HLA-DQB2: variants seen among roughly 807,000 people sequenced by gnomAD.
HLA-DQB2 encodes major histocompatibility complex, class II, DQ beta 2.
HLA-DQB2 carries 24 observed loss-of-function variants against 29.2 expected under a neutral mutation model. The observed-to-expected ratio is 0.82, with a 90% CI of 0.60 to 1.16. HLA-DQB2 has a LOEUF of 1.16. Ranked by LOEUF, HLA-DQB2 falls within the 50% of genes most tolerant of loss-of-function variation. HLA-DQB2 has a pLI of 0.00. For missense variants in HLA-DQB2, 273 were observed against 343.6 expected, an observed-to-expected ratio of 0.79 and a Z score of 1.62; for synonymous variants, 104 against 133.1, an observed-to-expected ratio of 0.78 and a Z score of 1.51.
At chr6:32,758,369 T>C (rs1260754928) in intron 3 of HLA-DQB2, among the ~76,000 whole-genome samples, 1 of 152,152 alleles carries the variant, frequency 6.6e-6, no homozygotes, top group Non-Finnish European at 1.5e-5. Flanking sequence ...CTCTCTCTCA[T>C]GCTCCTGCCC....
At chr6:32,763,060 T>C (rs1252213409) in intron 1 of HLA-DQB2, among the ~76,000 whole-genome samples, 9 of 151,798 alleles carry the variant, frequency 5.9e-5, no homozygotes, top group African/African-American at 2.2e-4. Flanking sequence ...GGGAAATGCA[T>C]ATCTTTGGGG....
rs61388931 is a variant in HLA-DQB2, at chr6:32,762,616, A to G, written c.98-690T>C. 3.0e-3 allele frequency among the ~76,000 whole-genome samples: 449 copies of G among 150,164 alleles called. 2 individuals carry two copies. The highest frequency in any genetic ancestry group is 0.01 in the African/African-American group (426 of 40,878). On this transcript the variant is annotated intron_variant, in intron 1 of 5. Coordinates refer to ENST00000437316, the MANE Select transcript of HLA-DQB2 (RefSeq NM_001300790.2). ...AACTGAGTCAATCACCAGCTTGGGC[A>G]GGTTACTTAACAGAATATCCATATC...
rs540615740 is a variant in HLA-DQB2, at chr6:32,759,018, G to A, written c.478C>T (p.Arg160Trp). Residue 160 changes from arginine to tryptophan, a missense_variant, in exon 3 of 6, where the codon CGG (arginine) becomes TGG (tryptophan). By Grantham distance (101) the Arg-to-Trp change is moderately radical. Transcript: ENST00000437316. ...CCGGCTGTCTCCTCCTGGTCATTCC[G>A]AAACCACCGGACTTTGATCTGGGCT... ...YPAQIKVRWF[R>W]NDQEETAGVV... The A allele has an allele frequency of 2.5e-5, 41 of 1,614,210 alleles. No individual in the cohort carries two copies. The highest frequency in any genetic ancestry group is 1.5e-4 in the African/African-American group (11 of 75,068).
At position 32,756,389 on chromosome 6, in the gene HLA-DQB2, TG is replaced by T; in HGVS notation, c.*63del. ...GGGTGACACAGGCAGCTAGGAATTC[TG>T]GGCAGGGGCAGGTGGGCATTACAGA... On this transcript the variant is annotated 3_prime_UTR_variant, in exon 6 of 6. Transcript: ENST00000437316. The T allele has an allele frequency of 2.0e-6, 2 of 1,009,370 alleles. No individual in the cohort carries two copies. Among genetic ancestry groups the T allele is most frequent in the Non-Finnish European group, 3.1e-6 (2 of 643,790 alleles). 62.5% of individuals were successfully genotyped at this position (1,009,370 alleles called of 1,614,324 possible).
Position 32,761,748 on chromosome 6 carries a change from C to A in HLA-DQB2, c.276G>T (p.Lys92Asn). The change falls in exon 2 of 6, where the codon AAG becomes AAT. Residue 92 changes from lysine (K) to asparagine (N), a missense_variant. By Grantham distance (94) the Lys-to-Asn change is moderately conservative (BLOSUM62 0). Coordinates refer to ENST00000437316, the MANE Select transcript of HLA-DQB2 (RefSeq NM_001300790.2). ...CGGCCCGCTCCTGCTCCAAGAAGTC[C>A]TTATAGTTGTTCCAGTCCTCGATGC... ...GRSIEDWNNY[K>N]DFLEQERAAV... The A allele has an allele frequency of 6.4e-7, 1 of 1,561,198 alleles. No homozygotes were observed. Among genetic ancestry groups the A allele is most frequent in the East Asian group, 2.4e-5 (1 of 41,382 alleles).
chr6:32,756,519 C>G, intron 5 of HLA-DQB2, 53 bp from the exon 6 acceptor site: 2 of 1,556,320 alleles, frequency 1.3e-6, no homozygotes, highest in South Asian at 1.2e-5. Flanking sequence ...AGGGACACAC[C>G]CTCTCCCCTA....
rs566065650 is a variant in HLA-DQB2 at position 32,757,299 on chromosome 6, G to A, written c.763C>T (p.Arg255Ter). The change falls in exon 5 of 6, where the codon CGA becomes TGA. Residue 255 changes from arginine (R) to a stop codon, truncating the protein, a stop_gained. Coordinates refer to ENST00000437316, the MANE Select transcript of HLA-DQB2 (RefSeq NM_001300790.2). LOFTEE classifies it high-confidence loss of function. ...IIRHRGQKGPRGPPPAGLLH is the reference protein window; with the variant it reads ...IIRHRGQKGP ...ATATTACCTGCTGGTGGAGGCCCTC[G>A]AGGTCCTACAAAAGGAAGTTATACA... 10 of 1,549,354 alleles carry A rather than the reference G, an allele frequency of 6.5e-6. No homozygotes were observed. Among genetic ancestry groups the A allele is most frequent in the Admixed American group, 3.9e-5 (2 of 50,984 alleles).
rs770853395 is a variant in HLA-DQB2, at chr6:32,761,906, T to C, written c.118A>G (p.Lys40Glu). 2 of 1,611,896 alleles carry C rather than the reference T, an allele frequency of 1.2e-6. No homozygotes were observed. The highest frequency in any genetic ancestry group is 1.7e-6 in the Non-Finnish European group (2 of 1,179,212). ...CCGTTGGTGAAGTAGCACATGCCCTTAAACTGGACCAAGAAATCCTCTGCG... is the reference window on the plus strand; with the variant it reads ...CCGTTGGTGAAGTAGCACATGCCCTCAAACTGGACCAAGAAATCCTCTGCG... Reference protein sequence around the residue: ...DFPKDFLVQFKGMCYFTNGTE... With the variant: ...DFPKDFLVQFEGMCYFTNGTE... The change falls in exon 2 of 6, where the codon AAG becomes GAG. Residue 40 changes from lysine to glutamate, a missense_variant. By Grantham distance (56) the Lys-to-Glu change is moderately conservative (BLOSUM62 1). Coordinates refer to ENST00000437316, the MANE Select transcript of HLA-DQB2 (RefSeq NM_001300790.2).
rs534350699 is a variant in HLA-DQB2, at chr6:32,759,716, C to T, written c.365-585G>A. 1.9e-3 allele frequency among the ~76,000 whole-genome samples: 297 copies of T among 152,378 alleles called. 2 individuals carry two copies. The highest frequency in any genetic ancestry group is 5.0e-3 in the Admixed American group (76 of 15,302). ...GTAATTACTAGCTGCCTACCCTACT[C>T]CATCCCCTTGCTATTGAGAATTACT... On this transcript the variant is annotated intron_variant, in intron 2 of 5. Transcript: ENST00000437316.
chr6:32,756,712 A>AT lies in HLA-DQB2; in HGVS notation c.782-247dup, dbSNP rs958531054. The AT allele has an allele frequency of 1.1e-5, 14 of 1,319,220 alleles. No homozygotes were observed. The African/African-American group carries it at 1.6e-4, about 15-fold the overall frequency. The allele number at this position is 1,319,220 out of a possible 1,614,324, so 81.7% of individuals were successfully genotyped here. A position where few individuals can be genotyped will look rare whatever the true frequency, so the allele number is the denominator to read the frequency against. ...CCTTCTGGGTAATATGAAGAGTTTG[A>AT]TTTTTTTAGTAAATTGGGTGACACT... On this transcript the variant is annotated intron_variant, in intron 5 of 5. Transcript: ENST00000437316.
At position 32,761,641 on chromosome 6, in the gene HLA-DQB2, G is replaced by A. The variant is rs933349839; in HGVS notation, c.364+19C>T. The A allele has an allele frequency of 3.2e-5, 50 of 1,538,820 alleles. No individual in the cohort carries two copies. Among genetic ancestry groups the A allele is most frequent in the African/African-American group, 4.1e-5 (3 of 72,940 alleles). On this transcript the variant is annotated intron_variant, in intron 2 of 5. Transcript: ENST00000437316. ...GCCCCGGCCAAGGGTGAGCCCCGCG[G>A]AAGGACGACGACGCTCACCTTGCCG...
At chr6:32,762,041 C>G in intron 1 of HLA-DQB2, 115 bp from the exon 2 acceptor site, 1 of 1,402,388 alleles carries the variant, frequency 7.1e-7, no homozygotes, top group South Asian at 1.3e-5. Flanking sequence ...CGAAACCCGT[C>G]CACGCGAAAT....
intron 3 of HLA-DQB2, among the ~76,000 whole-genome samples, chr6:32,758,356 C>T (rs977445975): frequency 6.6e-5 from 10 of 152,178 alleles, no homozygotes; most frequent in African/African-American, 2.4e-4. Flanking sequence ...TAGCACCAAC[C>T]CCCTCTCTCT....
chr6:32,757,302 G>A lies in HLA-DQB2; in HGVS notation c.760C>T (p.Pro254Ser), dbSNP rs1396625127. Residue 254 changes from proline (P) to serine (S), a missense_variant and splice_region_variant, in exon 5 of 6, where the codon CCT (proline) becomes TCT (serine). Coordinates refer to ENST00000437316, the MANE Select transcript of HLA-DQB2 (RefSeq NM_001300790.2). ...TTACCTGCTGGTGGAGGCCCTCGAG[G>A]TCCTACAAAAGGAAGTTATACAGAG... is the stretch of plus-strand genomic sequence containing the variant. ...LIIRHRGQKG[P>S]RGPPPAGLLH is the part of the protein sequence containing the mutation. The A allele has an allele frequency of 5.2e-6, 8 of 1,549,316 alleles. No individual in the cohort carries two copies. The South Asian group carries it at 8.3e-5, about 16-fold the overall frequency.
At chr6:32,759,979 G>A (rs945467654) in intron 2 of HLA-DQB2, among the ~76,000 whole-genome samples, 5,579 of 109,228 alleles carry the variant, frequency 0.051, no homozygotes, top group Middle Eastern at 0.11. Flanking sequence ...CCTGGAGTCT[G>A]ACTGAAATAA....
intron 1 of HLA-DQB2, 69 bp downstream of exon 1, chr6:32,763,305 C>G: frequency 1.2e-6 from 1 of 840,646 alleles, no homozygotes; most frequent in Non-Finnish European, 2.0e-6. Context: ...TCACCATCCC[C>G]CATACTCCAA....
Position 32,758,885 on chromosome 6 carries a change from T to C in HLA-DQB2, c.611A>G (p.His204Arg), listed in dbSNP as rs771031206. The C allele has an allele frequency of 1.4e-4, 227 of 1,613,856 alleles. No homozygotes were observed. The highest frequency in any genetic ancestry group is 1.9e-4 in the Non-Finnish European group (221 of 1,180,002). ...RGDIYTCQVE[H>R]PSLQSPITVE... ...GGTGATGGGGCTCTGGAGGCTGGGG[T>C]GCTCCACTTGGCAGGTGTAGATGTC... The change falls in exon 3 of 6, where the codon CAC (histidine) becomes CGC (arginine). Residue 204 changes from histidine to arginine, a missense_variant. Physicochemically the swap from His to Arg is conservative, Grantham distance 29. Coordinates refer to ENST00000437316, the MANE Select transcript of HLA-DQB2 (RefSeq NM_001300790.2).
chr6:32,762,088 C>G (rs1056346053), intron 1 of HLA-DQB2, among the ~76,000 whole-genome samples, 162 bp from the exon 2 acceptor site: 2 of 152,082 alleles, frequency 1.3e-5, no homozygotes, highest in Admixed American at 6.5e-5. Context: ...GTGCTCCGGA[C>G]CTGGGATCCT....
At chr6:32,759,154 A>G (rs1764549923) in intron 2 of HLA-DQB2, 23 bp from the exon 3 acceptor site, 4 of 1,610,568 alleles carry the variant, frequency 2.5e-6, no homozygotes, top group South Asian at 1.1e-5. Flanking sequence ...ACAGACAGGG[A>G]AAGATATAGG....
Sources: allele counts gnomAD v4.1 joint callset (sites outside exome capture counted in the v4.1 genomes callset), GRCh38; gene constraint gnomAD v4.1.1; transcripts MANE v1.5; gene names NCBI Gene and HGNC (gene_info 2026-07-23, HGNC 2026-07-21).